SPOCK1: variants seen among roughly 807,000 people sequenced by gnomAD.
SPOCK1 encodes the protein testican-1.
Under a neutral mutation model 55.3 loss-of-function variants are expected in SPOCK1, and 23 were observed. The observed-to-expected ratio is 0.42, with a 90% CI of 0.30 to 0.59. The LOEUF is 0.59. SPOCK1 is among the 20% of genes least tolerant of loss of function. The pLI is 0.22. For missense variants in SPOCK1, 499 were observed against 552.5 expected (o/e 0.90, Z 0.97); for synonymous variants, 226 against 221.0 (o/e 1.02, Z -0.20).
At chr5:137,166,094 A>G (rs933253538) in intron 3 of SPOCK1, among the ~76,000 whole-genome samples, 2 of 152,124 alleles carry the variant, frequency 1.3e-5, no homozygotes, top group African/African-American at 4.8e-5. Context: ...ATTAAATCCA[A>G]AGAAGACTAC....
chr5:137,127,912 A>G lies in SPOCK1; in HGVS notation c.347+12668T>C, dbSNP rs563308733. Among the ~76,000 whole-genome samples the G allele has an allele frequency of 5.3e-5, 8 of 152,324 alleles. 1 individual carries two copies. In the South Asian group the frequency reaches 1.7e-3, roughly 32 times the overall value. On this transcript the variant is annotated intron_variant, in intron 4 of 10. Transcript: ENST00000394945. ...TGAATTAAGACGTTTATGGCTATTG[A>G]GATAGAATGAGTGTATTTTGCATAT...
chr5:137,332,230 T>G (rs541924648), intron 2 of SPOCK1, among the ~76,000 whole-genome samples: 68 of 152,022 alleles, frequency 4.5e-4, no homozygotes, highest in Admixed American at 2.2e-3. Context: ...CCCAGCCCTC[T>G]TCACAAGACT....
At chr5:137,435,044 T>G (rs1355199630) in intron 2 of SPOCK1, among the ~76,000 whole-genome samples, 1 of 152,226 alleles carries the variant, frequency 6.6e-6, no homozygotes, top group Admixed American at 6.5e-5. Flanking sequence ...TTACTTCCAA[T>G]GTCATTTCTA....
chr5:137,285,427 T>C lies in SPOCK1; in HGVS notation c.187-18372A>G, dbSNP rs190739012. On this transcript the variant is annotated intron_variant, in intron 2 of 10. Coordinates refer to ENST00000394945, the MANE Select transcript of SPOCK1 (RefSeq NM_004598.4). ...CTGGAAACATAAATTTCCCTCACTG[T>C]AATGTGAACAAGTCCCTTAACAACA... is the stretch of plus-strand genomic sequence containing the variant. 1.4e-3 allele frequency among the ~76,000 whole-genome samples: 218 copies of C among 152,332 alleles called. 1 individual carries two copies. Among genetic ancestry groups the C allele is most frequent in the African/African-American group, 5.1e-3 (212 of 41,578 alleles).
At chr5:137,374,380 A>G (rs1440827549) in intron 2 of SPOCK1, among the ~76,000 whole-genome samples, 1 of 152,216 alleles carries the variant, frequency 6.6e-6, no homozygotes, top group Non-Finnish European at 1.5e-5. Flanking sequence ...ACATAGTGAA[A>G]AATGGGTATG....
chr5:137,227,634 C>G (rs1755970166), intron 3 of SPOCK1, among the ~76,000 whole-genome samples: 1 of 152,192 alleles, frequency 6.6e-6, no homozygotes, highest in Non-Finnish European at 1.5e-5. Context: ...ACAGCAAGGT[C>G]TATAGAGTAA....
chr5:137,274,911 A>G (rs1195173360), intron 2 of SPOCK1, among the ~76,000 whole-genome samples: 1 of 152,244 alleles, frequency 6.6e-6, no homozygotes, highest in Non-Finnish European at 1.5e-5. Flanking sequence ...GACAATACTT[A>G]CACCAGTGGG....
chr5:137,038,832 C>T (rs541078752), intron 6 of SPOCK1, among the ~76,000 whole-genome samples: 1 of 151,998 alleles, frequency 6.6e-6, no homozygotes, highest in South Asian at 2.1e-4. Flanking sequence ...CAAGTTTCAC[C>T]CCTAGAAGGT....
intron 2 of SPOCK1, among the ~76,000 whole-genome samples, chr5:137,269,240 A>G (rs1756914290): frequency 6.6e-6 from 1 of 152,228 alleles, no homozygotes; most frequent in Admixed American, 6.5e-5. Context: ...AAAACTCATT[A>G]TGCAAAATGA....
chr5:137,298,164 G>C (rs892993230), intron 2 of SPOCK1, among the ~76,000 whole-genome samples: 4 of 152,190 alleles, frequency 2.6e-5, no homozygotes, highest in African/African-American at 9.7e-5. Context: ...TATGTGTGCA[G>C]TGAGGACCCA....
At chr5:137,141,205 C>T (rs940196307) in intron 3 of SPOCK1, among the ~76,000 whole-genome samples, 2 of 152,224 alleles carry the variant, frequency 1.3e-5, no homozygotes, top group Non-Finnish European at 2.9e-5. Context: ...TCTTCCTCAA[C>T]ATCAGGGGAG....
chr5:137,243,274 C>A (rs376472010), intron 3 of SPOCK1, among the ~76,000 whole-genome samples: 1 of 152,120 alleles, frequency 6.6e-6, no homozygotes, highest in Non-Finnish European at 1.5e-5. Context: ...TGCCCATAAT[C>A]GGCGGCTATT....
chr5:137,174,199 C>T (rs748129090), intron 3 of SPOCK1, among the ~76,000 whole-genome samples: 3 of 152,202 alleles, frequency 2.0e-5, no homozygotes, highest in African/African-American at 7.2e-5. Flanking sequence ...TCTGCCTAAG[C>T]TTTCCTTCTG....
intron 4 of SPOCK1, among the ~76,000 whole-genome samples, chr5:137,131,684 A>AT (rs536096494): frequency 0.011 from 1,632 of 146,700 alleles, 34 homozygotes; most frequent in African/African-American, 0.04. Context: ...ACTAAAAAAT[A>AT]TCTCCCCCCC....
At chr5:137,076,492 G>A (rs1028143199) in intron 5 of SPOCK1, among the ~76,000 whole-genome samples, 8 of 151,634 alleles carry the variant, frequency 5.3e-5, no homozygotes, top group African/African-American at 1.7e-4. Flanking sequence ...CCTACCTTCA[G>A]TGTACTCAGA....
intron 2 of SPOCK1, among the ~76,000 whole-genome samples, chr5:137,348,674 T>C (rs1299546628): frequency 6.6e-6 from 1 of 152,126 alleles, no homozygotes; most frequent in Non-Finnish European, 1.5e-5. Context: ...TTGAAGTAGT[T>C]ATAATATAAA....
intron 3 of SPOCK1, among the ~76,000 whole-genome samples, chr5:137,225,716 G>A (rs575561120): frequency 6.6e-6 from 1 of 152,310 alleles, no homozygotes; most frequent in African/African-American, 2.4e-5. Flanking sequence ...ATCATCAGAA[G>A]TACTGATTCA....
At chr5:137,193,077 T>G (rs1261697043) in intron 3 of SPOCK1, among the ~76,000 whole-genome samples, 2 of 152,198 alleles carry the variant, frequency 1.3e-5, no homozygotes, top group African/African-American at 4.8e-5. Context: ...GTTGCATTTT[T>G]AAACAGAGAA....
intron 3 of SPOCK1, among the ~76,000 whole-genome samples, chr5:137,179,428 T>C (rs1754923705): frequency 6.6e-6 from 1 of 152,184 alleles, no homozygotes; most frequent in South Asian, 2.1e-4. Context: ...CAGGGTGAAT[T>C]ACAGGCTCCC....
Sources: allele counts gnomAD v4.1 joint callset (sites outside exome capture counted in the v4.1 genomes callset), GRCh38; gene constraint gnomAD v4.1.1; transcripts MANE v1.5; gene names NCBI Gene and HGNC (gene_info 2026-07-23, HGNC 2026-07-21).